COL11A1: variants seen among roughly 807,000 people sequenced by gnomAD.
COL11A1 encodes the protein collagen alpha-1(XI) chain.
Under a neutral mutation model 265.2 loss-of-function variants are expected in COL11A1, and 74 were observed. The observed-to-expected ratio is 0.28, with a 90% CI of 0.23 to 0.34. COL11A1 has a LOEUF of 0.34. Ranked by LOEUF, COL11A1 falls within the 10% of genes least tolerant of loss-of-function variation. The pLI is 1.00. For missense variants in COL11A1, 2,165 were observed against 2,263.6 expected (o/e 0.96, Z 0.88); for synonymous variants, 816 against 727.6 (o/e 1.12, Z -1.96).
At chr1:103,017,973 TA>T in intron 10 of COL11A1, 91 bp from the exon 11 acceptor site, 2 of 1,071,428 alleles carry the variant, frequency 1.9e-6, no homozygotes, top group Non-Finnish European at 2.9e-6. Flanking sequence ...AGTTCGTTTA[TA>T]TTTTATAAAT....
chr1:102,984,298 A>T (rs1200639793), intron 30 of COL11A1, 107 bp from the exon 31 acceptor site: 3 of 694,426 alleles, frequency 4.3e-6, no homozygotes, highest in Non-Finnish European at 7.1e-6. Flanking sequence ...GTACACTCAA[A>T]AGGAAGATTT....
At chr1:102,970,369 T>C (rs1047012520) in intron 36 of COL11A1, 97 bp from the exon 37 acceptor site, 14 of 873,506 alleles carry the variant, frequency 1.6e-5, no homozygotes, top group Middle Eastern at 2.7e-4. Flanking sequence ...CTTTTTATAT[T>C]TCCATTAGCT....
intron 24 of COL11A1, among the ~76,000 whole-genome samples, chr1:102,998,658 G>A (rs564890847): frequency 3.3e-5 from 5 of 151,592 alleles, no homozygotes; most frequent in South Asian, 4.2e-4. Flanking sequence ...GAAGCTTAGA[G>A]AACAAAAAGG....
intron 41 of COL11A1, among the ~76,000 whole-genome samples, chr1:102,947,209 G>A (rs922525104): frequency 4.0e-5 from 6 of 151,688 alleles, no homozygotes; most frequent in African/African-American, 1.5e-4. Flanking sequence ...AAAATTAGAT[G>A]TATTTAATAT....
At chr1:102,934,846 A>G (rs1384943230) in intron 45 of COL11A1, among the ~76,000 whole-genome samples, 3 of 151,940 alleles carry the variant, frequency 2.0e-5, no homozygotes, top group African/African-American at 4.8e-5. Flanking sequence ...AGGAATTCTC[A>G]ACAAATTATT....
chr1:103,099,760 C>T lies in COL11A1; in HGVS notation c.106+8313G>A, dbSNP rs573959079. On this transcript the variant is annotated intron_variant, in intron 1 of 66. Coordinates refer to ENST00000370096, the MANE Select transcript of COL11A1 (RefSeq NM_001854.4). The stretch of plus-strand genomic sequence containing the variant: ...AGGTAATATAGTCACTCTGTAGCTA[C>T]AAATATTCAGTGGCACCTTTGGAGA... 3.3e-5 allele frequency among the ~76,000 whole-genome samples: 5 copies of T among 151,936 alleles called. No individual in the cohort carries two copies. In the South Asian group the frequency reaches 1.0e-3, roughly 32 times the overall value.
chr1:102,886,903 G>C lies in COL11A1; in HGVS notation c.4762C>G (p.Gln1588Glu). Residue 1588 changes from glutamine (Q) to glutamate (E), a missense_variant, in exon 63 of 67, where the codon CAA (glutamine) becomes GAA (glutamate). Transcript: ENST00000370096. ...GGAAATTTCATATGCTCAATGTCTT[G>C]TTTCAGGGAATTGAGGGAACCAAAT... ...EIFGSLNSLK[Q>E]DIEHMKFPMG... is the part of the protein sequence containing the mutation. 6.2e-7 allele frequency: 1 copy of C among 1,613,822 alleles called. No individual in the cohort carries two copies.
chr1:102,953,633 C>T (rs1032911259), intron 41 of COL11A1, among the ~76,000 whole-genome samples: 1 of 151,792 alleles, frequency 6.6e-6, no homozygotes, highest in Admixed American at 6.6e-5. Context: ...TTATATATTC[C>T]AAAAATAGAT....
intron 9 of COL11A1, among the ~76,000 whole-genome samples, chr1:103,020,120 G>A (rs1247902972): frequency 2.0e-5 from 3 of 151,854 alleles, no homozygotes; most frequent in Admixed American, 2.0e-4. Context: ...GGGATGGGTG[G>A]GTCAAATGGT....
intron 46 of COL11A1, among the ~76,000 whole-genome samples, chr1:102,931,707 A>G (rs1347873284): frequency 6.6e-6 from 1 of 152,022 alleles, no homozygotes; most frequent in African/African-American, 2.4e-5. Context: ...AAAGTCTCCC[A>G]TTATTAATGT....
intron 4 of COL11A1, among the ~76,000 whole-genome samples, chr1:103,047,576 C>T (rs1452973141): frequency 6.6e-6 from 1 of 152,130 alleles, no homozygotes; most frequent in Non-Finnish European, 1.5e-5. Context: ...TCCTCTTTTC[C>T]TAATTGAATA....
At chr1:103,065,377 G>A (rs1192710033) in intron 4 of COL11A1, among the ~76,000 whole-genome samples, 7 of 151,624 alleles carry the variant, frequency 4.6e-5, no homozygotes, top group East Asian at 1.9e-4. Context: ...AAAATTAGCC[G>A]GGCGTGTTGG....
intron 41 of COL11A1, among the ~76,000 whole-genome samples, chr1:102,950,283 G>A (rs555226755): frequency 3.3e-5 from 5 of 152,046 alleles, no homozygotes; most frequent in South Asian, 4.1e-4. Context: ...ACTCTGTCTC[G>A]AAAGAAAAAA....
Position 103,093,310 on chromosome 1 carries a change from A to C in COL11A1, c.107-10338T>G, listed in dbSNP as rs922101193. On this transcript the variant is annotated intron_variant, in intron 1 of 66. Coordinates refer to ENST00000370096, the MANE Select transcript of COL11A1 (RefSeq NM_001854.4). ...TCTGCTTTAAAAATGTCAAGATAAC[A>C]GGAGAAGCACCTTTCGTTGATGAAC... Among the ~76,000 whole-genome samples, 3 of 152,254 alleles carry C rather than the reference A, an allele frequency of 2.0e-5. No individual in the cohort carries two copies. The East Asian group carries it at 5.8e-4, about 29-fold the overall frequency.
chr1:102,952,319 G>T (rs576091849), intron 41 of COL11A1, among the ~76,000 whole-genome samples: 4 of 152,110 alleles, frequency 2.6e-5, no homozygotes, highest in Non-Finnish European at 4.4e-5. Context: ...GGATGGTCTC[G>T]ATCTCTTGAC....
intron 26 of COL11A1, 119 bp from the exon 27 acceptor site, chr1:102,996,161 A>T: frequency 1.0e-6 from 1 of 1,003,526 alleles, no homozygotes; most frequent in South Asian, 1.5e-5. Context: ...CTAATATTTG[A>T]TAAAGACTTT....
At chr1:102,940,509 T>C (rs1658614267) in intron 42 of COL11A1, 75 bp from the exon 43 acceptor site, 1 of 1,059,532 alleles carries the variant, frequency 9.4e-7, no homozygotes. Flanking sequence ...CTAGCTTCTA[T>C]ATTTGACAAG....
At chr1:103,077,326 GT>G (rs200358749) in intron 3 of COL11A1, among the ~76,000 whole-genome samples, 3 of 147,540 alleles carry the variant, frequency 2.0e-5, no homozygotes, top group East Asian at 2.0e-4. Context: ...TGATGTTTTT[GT>G]TTTTTTTTCT....
rs1394765555 is a variant in COL11A1 at position 103,013,323 on chromosome 1, A to C, written c.1573-854T>G. ...ATATACTTCTTAATCCTTGAGATTA[A>C]ATATCTGAAAAATTGAATTATAATG... is the stretch of plus-strand genomic sequence containing the variant. On this transcript the variant is annotated intron_variant, in intron 13 of 66. Coordinates refer to ENST00000370096, the MANE Select transcript of COL11A1 (RefSeq NM_001854.4). 6.6e-5 allele frequency among the ~76,000 whole-genome samples: 10 copies of C among 151,980 alleles called. No individual in the cohort carries two copies. The East Asian group carries it at 1.7e-3, about 26-fold the overall frequency.
Sources: allele counts gnomAD v4.1 joint callset (sites outside exome capture counted in the v4.1 genomes callset), GRCh38; gene constraint gnomAD v4.1.1; transcripts MANE v1.5; gene names NCBI Gene and HGNC (gene_info 2026-07-23, HGNC 2026-07-21).